The following COL21A1 variants were observed in gnomAD, a reference collection of about 807,000 sequenced individuals.
The protein encoded by COL21A1 is collagen type XXI alpha 1 chain.
Under a neutral mutation model 137.9 loss-of-function variants are expected in COL21A1, and 149 were observed. The observed-to-expected ratio is 1.08, with a 90% CI of 0.95 to 1.24. COL21A1 has a LOEUF of 1.24. Ranked by LOEUF, COL21A1 falls within the 50% of genes most tolerant of loss-of-function variation. The pLI, the probability that COL21A1 is intolerant of heterozygous loss-of-function variation, is 0.00. For synonymous variants in COL21A1, 456 were observed against 391.5 expected, an observed-to-expected ratio of 1.16 and a Z score of -1.95; for missense variants, 1,167 against 1,158.4, an observed-to-expected ratio of 1.01 and a Z score of -0.11.
At chr6:56,069,383 T>A (rs927739574) in intron 21 of COL21A1, among the ~76,000 whole-genome samples, 2 of 151,468 alleles carry the variant, frequency 1.3e-5, no homozygotes, top group African/African-American at 2.4e-5. Context: ...TATGATACTT[T>A]ATAATTTCAA....
intron 16 of COL21A1, among the ~76,000 whole-genome samples, chr6:56,114,819 C>G (rs2152195184): frequency 6.8e-6 from 1 of 147,346 alleles, no homozygotes; most frequent in East Asian, 2.0e-4. Context: ...CATCCCATTA[C>G]TGGGTATATA....
intron 1 of COL21A1, among the ~76,000 whole-genome samples, chr6:56,206,611 G>T (rs1412924839): frequency 6.7e-6 from 1 of 149,994 alleles, no homozygotes. Context: ...GGATATTCAG[G>T]TCTTGAACTC....
chr6:56,333,592 T>G (rs931954188), intron 1 of COL21A1, among the ~76,000 whole-genome samples: 1 of 152,160 alleles, frequency 6.6e-6, no homozygotes, highest in Non-Finnish European at 1.5e-5. Flanking sequence ...GCTATGAACA[T>G]TCACGTGTTA....
chr6:56,295,893 T>C (rs1437298860), intron 1 of COL21A1, among the ~76,000 whole-genome samples: 1 of 151,964 alleles, frequency 6.6e-6, no homozygotes, highest in Admixed American at 6.6e-5. Flanking sequence ...ACAATTTTAT[T>C]TCTTCCCTTC....
intron 29 of COL21A1, among the ~76,000 whole-genome samples, chr6:56,058,683 G>T (rs1458323538): frequency 6.6e-6 from 1 of 152,164 alleles, no homozygotes; most frequent in Admixed American, 6.5e-5. Flanking sequence ...AACTGTGATT[G>T]TCTTGCACTG....
chr6:56,073,826 C>G (rs1262764263), intron 20 of COL21A1, among the ~76,000 whole-genome samples: 1 of 151,382 alleles, frequency 6.6e-6, no homozygotes, highest in Non-Finnish European at 1.5e-5. Flanking sequence ...ACAAGGCACT[C>G]TATATACATT....
intron 1 of COL21A1, among the ~76,000 whole-genome samples, chr6:56,309,034 T>C (rs939098132): frequency 6.8e-6 from 1 of 147,564 alleles, no homozygotes; most frequent in African/African-American, 2.4e-5. Flanking sequence ...TCACGCTCAG[T>C]CCTCAATTAT....
At chr6:56,133,106 G>A (rs573696918) in intron 12 of COL21A1, among the ~76,000 whole-genome samples, 61 of 152,276 alleles carry the variant, frequency 4.0e-4, no homozygotes, top group African/African-American at 1.2e-3. Flanking sequence ...CTGGGTAACC[G>A]GCAGAGGTTG....
chr6:56,141,670 GCCCACA>G, intron 12 of COL21A1, 109 bp downstream of exon 12: 1 of 1,107,190 alleles, frequency 9.0e-7, no homozygotes, highest in Non-Finnish European at 1.4e-6. Flanking sequence ...AAATTTCTGA[GCCCACA>G]AATCTTAGAA....
intron 1 of COL21A1, among the ~76,000 whole-genome samples, chr6:56,391,332 C>T (rs11968073): frequency 0.33 from 50,449 of 151,780 alleles, 9,174 homozygotes; most frequent in East Asian, 0.62. Flanking sequence ...ACAATAGACA[C>T]TTCCATCAAA....
intron 1 of COL21A1, among the ~76,000 whole-genome samples, chr6:56,281,089 T>C (rs1763777580): frequency 6.6e-6 from 1 of 152,198 alleles, no homozygotes; most frequent in African/African-American, 2.4e-5. Flanking sequence ...CACTTTCCTA[T>C]GATCCTCACA....
intron 1 of COL21A1, among the ~76,000 whole-genome samples, chr6:56,290,152 A>G (rs1764006508): frequency 6.6e-6 from 1 of 152,176 alleles, no homozygotes; most frequent in Non-Finnish European, 1.5e-5. Context: ...GGTTTGGCAC[A>G]ACAGAATGAA....
chr6:56,181,420 G>A (rs542732167), intron 2 of COL21A1, among the ~76,000 whole-genome samples: 154 of 151,688 alleles, frequency 1.0e-3, no homozygotes, highest in Non-Finnish European at 1.9e-3. Flanking sequence ...GCAGGGAGAC[G>A]AAAGGATAGA....
chr6:56,161,838 A>G (rs992005477), intron 9 of COL21A1, among the ~76,000 whole-genome samples: 4 of 152,072 alleles, frequency 2.6e-5, no homozygotes, highest in African/African-American at 9.7e-5. Flanking sequence ...AATCTAAAGA[A>G]CTTTAAAAAA....
chr6:56,112,025 C>T (rs1771473494), intron 16 of COL21A1, among the ~76,000 whole-genome samples: 1 of 151,374 alleles, frequency 6.6e-6, no homozygotes, highest in South Asian at 2.1e-4. Flanking sequence ...ATTTACACCA[C>T]ACAATTTCAA....
intron 12 of COL21A1, among the ~76,000 whole-genome samples, chr6:56,129,734 G>T (rs2152219805): frequency 6.6e-6 from 1 of 150,698 alleles, no homozygotes; most frequent in South Asian, 2.1e-4. Context: ...CAGACAGACA[G>T]AAAGATAGGT....
chr6:56,244,349 T>C (rs556637882), intron 1 of COL21A1, among the ~76,000 whole-genome samples: 1 of 152,294 alleles, frequency 6.6e-6, no homozygotes, highest in South Asian at 2.1e-4. Context: ...AGCTTTTCAG[T>C]TAAGTTATCC....
chr6:56,265,313 C>T (rs973083556), intron 1 of COL21A1, among the ~76,000 whole-genome samples: 4 of 152,192 alleles, frequency 2.6e-5, no homozygotes, highest in Non-Finnish European at 5.9e-5. Context: ...GGAATACATA[C>T]ATGTTTATCA....
At chr6:56,176,633 GA>G (rs1777491753) in intron 3 of COL21A1, among the ~76,000 whole-genome samples, 3 of 149,528 alleles carry the variant, frequency 2.0e-5, no homozygotes, top group Non-Finnish European at 4.5e-5. Flanking sequence ...GGAAAAGAGG[GA>G]GGGGGGGAAG....
Sources: gnomAD v4.1 joint callset for allele counts (sites outside exome capture counted in the v4.1 genomes callset) on GRCh38, gnomAD v4.1.1 for gene constraint, MANE v1.5 for transcripts, NCBI Gene and HGNC (gene_info 2026-07-23, HGNC 2026-07-21) for gene names.